The following RORA variants were observed in gnomAD, a reference collection of about 807,000 sequenced individuals.
RORA encodes RAR related orphan receptor A.
In RORA, 7 loss-of-function variants were observed where a neutral mutation model predicts 69.5. That is an observed-to-expected ratio of 0.10 (90% CI 0.06 to 0.19). The LOEUF (loss-of-function observed/expected upper bound fraction) is 0.19, where lower values mean the gene tolerates loss of function less well. RORA is among the 10% of genes least tolerant of loss of function. The pLI, the probability that RORA is intolerant of heterozygous loss-of-function variation, is 1.00. For missense variants in RORA, 457 were observed against 663.0 expected (o/e 0.69, Z 3.41); for synonymous variants, 261 against 240.8 (o/e 1.08, Z -0.78).
chr15:60,751,953 C>T (rs756480209), intron 1 of RORA, among the ~76,000 whole-genome samples: 50 of 152,014 alleles, frequency 3.3e-4, no homozygotes, highest in Admixed American at 6.6e-4. Flanking sequence ...GGAAGAGATC[C>T]GACAACATGT....
intron 1 of RORA, among the ~76,000 whole-genome samples, chr15:60,697,411 C>A (rs2140785135): frequency 6.6e-6 from 1 of 152,310 alleles, no homozygotes; most frequent in East Asian, 1.9e-4. Context: ...CTCCCTTCTT[C>A]CATCTTCCAA....
chr15:60,578,381 G>T (rs2068091321), intron 2 of RORA, among the ~76,000 whole-genome samples: 1 of 152,158 alleles, frequency 6.6e-6, no homozygotes, highest in African/African-American at 2.4e-5. Flanking sequence ...AGATTCCTGG[G>T]GTTGGATACA....
chr15:60,907,981 C>T (rs938048708), intron 1 of RORA, among the ~76,000 whole-genome samples: 6 of 152,214 alleles, frequency 3.9e-5, no homozygotes, highest in South Asian at 2.1e-4. Context: ...CACTCAAAGA[C>T]GCCTGGTTCC....
chr15:60,777,502 T>C (rs912785823), intron 1 of RORA, among the ~76,000 whole-genome samples: 2 of 152,186 alleles, frequency 1.3e-5, no homozygotes, highest in Admixed American at 1.3e-4. Flanking sequence ...ATCTCTAAAA[T>C]GGCATAATCT....
At chr15:61,008,197 CTCTCTCTGTGTGTGTG>C (rs952457294) in intron 1 of RORA, among the ~76,000 whole-genome samples, 1 of 89,104 alleles carries the variant, frequency 1.1e-5, no homozygotes, top group Non-Finnish European at 2.5e-5. Flanking sequence ...AAAATTCTCT[CTCTCTCTGTGTGTGTG>C]TGTGTGTGTG....
chr15:61,059,414 A>G (rs897448980), intron 1 of RORA, among the ~76,000 whole-genome samples: 1 of 152,224 alleles, frequency 6.6e-6, no homozygotes, highest in Admixed American at 6.5e-5. Flanking sequence ...GATAATATTT[A>G]ATTGTTACTC....
intron 1 of RORA, among the ~76,000 whole-genome samples, chr15:61,112,275 T>C (rs572207955): frequency 6.6e-6 from 1 of 152,346 alleles, no homozygotes; most frequent in African/African-American, 2.4e-5. Context: ...ATACAAGTAT[T>C]GATCCGTCAT....
At chr15:61,175,329 C>T (rs1310155221) in intron 1 of RORA, among the ~76,000 whole-genome samples, 1 of 152,138 alleles carries the variant, frequency 6.6e-6, no homozygotes, top group African/African-American at 2.4e-5. Flanking sequence ...AAATGCCAAG[C>T]TGCCTCAAGG....
chr15:61,084,021 A>AAGGGACTTC (rs2078585712), intron 1 of RORA, among the ~76,000 whole-genome samples: 1 of 152,184 alleles, frequency 6.6e-6, no homozygotes, highest in Admixed American at 6.5e-5. Flanking sequence ...AGAGGTTGGT[A>AAGGGACTTC]AGGGACTTCC....
At chr15:60,567,420 T>TA (rs2067749426) in intron 2 of RORA, among the ~76,000 whole-genome samples, 1 of 151,152 alleles carries the variant, frequency 6.6e-6, no homozygotes. Context: ...ATTATTATTT[T>TA]TTTTTTTCTG....
chr15:60,967,852 A>C (rs1383057294), intron 1 of RORA, among the ~76,000 whole-genome samples: 1 of 152,156 alleles, frequency 6.6e-6, no homozygotes, highest in African/African-American at 2.4e-5. Context: ...AGGCTTCAGT[A>C]CTGGTTCCAG....
chr15:61,100,781 T>C (rs1056101204), intron 1 of RORA, among the ~76,000 whole-genome samples: 16 of 152,218 alleles, frequency 1.1e-4, no homozygotes, highest in Non-Finnish European at 2.2e-4. Context: ...CGGCTTATCT[T>C]ACACTCCTTA....
chr15:61,136,967 T>C (rs1383382395), intron 1 of RORA, among the ~76,000 whole-genome samples: 1 of 146,752 alleles, frequency 6.8e-6, no homozygotes, highest in Non-Finnish European at 1.5e-5. Flanking sequence ...AGGTCCAGCA[T>C]CCAATGACTG....
At chr15:60,536,024 C>T (rs1045188760) in intron 2 of RORA, among the ~76,000 whole-genome samples, 4 of 152,124 alleles carry the variant, frequency 2.6e-5, no homozygotes, top group Non-Finnish European at 4.4e-5. Flanking sequence ...GAGTTATCCC[C>T]GTAGTTTATA....
At chr15:60,501,322 G>T (rs913600240) in intron 8 of RORA, among the ~76,000 whole-genome samples, 7 of 152,128 alleles carry the variant, frequency 4.6e-5, no homozygotes, top group Non-Finnish European at 1.0e-4. Flanking sequence ...CATCACCATT[G>T]CCACTGTCAT....
At chr15:60,730,630 A>G (rs994460471) in intron 1 of RORA, among the ~76,000 whole-genome samples, 1 of 152,154 alleles carries the variant, frequency 6.6e-6, no homozygotes, top group African/African-American at 2.4e-5. Flanking sequence ...TTAAATACAG[A>G]TGCATGTATG....
chr15:61,106,867 T>C (rs2078954919), intron 1 of RORA, among the ~76,000 whole-genome samples: 1 of 152,218 alleles, frequency 6.6e-6, no homozygotes, highest in South Asian at 2.1e-4. Context: ...CAGTTCAAAG[T>C]AGAAAGAGGG....
chr15:60,662,281 G>A (rs149308385), intron 2 of RORA, among the ~76,000 whole-genome samples: 383 of 152,210 alleles, frequency 2.5e-3, no homozygotes, highest in Middle Eastern at 0.02. Flanking sequence ...AAATGAGGGT[G>A]GAGTCTCATA....
intron 1 of RORA, among the ~76,000 whole-genome samples, chr15:60,963,345 G>A (rs1566926758): frequency 6.6e-6 from 1 of 152,226 alleles, no homozygotes; most frequent in Non-Finnish European, 1.5e-5. Flanking sequence ...TGGGTCATAA[G>A]GCACTGTTGA....
Sources: allele counts gnomAD v4.1 joint callset (sites outside exome capture counted in the v4.1 genomes callset), GRCh38; gene constraint gnomAD v4.1.1; transcripts MANE v1.5; gene names NCBI Gene and HGNC (gene_info 2026-07-23, HGNC 2026-07-21).